The following TBXT variants were observed in gnomAD, a reference collection of about 807,000 sequenced individuals.
The protein encoded by TBXT is T-box transcription factor T.
TBXT carries 19 observed loss-of-function variants against 41.1 expected under a neutral mutation model. The observed-to-expected ratio is 0.46, with a 90% CI of 0.32 to 0.68. The LOEUF (loss-of-function observed/expected upper bound fraction) is 0.68, where lower values mean the gene tolerates loss of function less well. Among genes scored for constraint, TBXT ranks in the 30% least tolerant of loss-of-function variants. TBXT has a pLI of 0.03. For synonymous variants in TBXT, 213 were observed against 238.9 expected, an observed-to-expected ratio of 0.89 and a Z score of 1.00; for missense variants, 536 against 582.0, an observed-to-expected ratio of 0.92 and a Z score of 0.81.
intron 7 of TBXT, among the ~76,000 whole-genome samples, chr6:166,160,596 T>A (rs1778923482): frequency 6.6e-6 from 1 of 152,108 alleles, no homozygotes; most frequent in African/African-American, 2.4e-5. Context: ...CAGCTCCCAT[T>A]CCACACCTGG....
intron 2 of TBXT, 63 bp from the exon 3 acceptor site, chr6:166,165,903 C>T: frequency 6.2e-7 from 1 of 1,609,696 alleles, no homozygotes; most frequent in African/African-American, 1.3e-5. Context: ...GCAAAACATC[C>T]ATTTCTCCAG....
At chr6:166,164,330 C>T (rs1779046168) in intron 5 of TBXT, among the ~76,000 whole-genome samples, 1 of 152,234 alleles carries the variant, frequency 6.6e-6, no homozygotes, top group African/African-American at 2.4e-5. Flanking sequence ...AAACACCCAG[C>T]TAGGTCTCAA....
In TBXT at chr6:166,167,714, C is replaced by T; in HGVS notation, c.-123G>A. The T allele has an allele frequency of 2.3e-6, 3 of 1,328,570 alleles. No individual in the cohort carries two copies. The highest frequency in any genetic ancestry group is 3.1e-6 in the Non-Finnish European group (3 of 967,588). The allele number at this position is 1,328,570 out of a possible 1,614,324, so 82.3% of individuals were successfully genotyped here. A position where few individuals can be genotyped will look rare whatever the true frequency, so the allele number is the denominator to read the frequency against. ...GGGCCCCTTGGACCGAGACCTGCGA[C>T]GGCTCCCGGGTCCCGGGTCCCGGCA... On this transcript the variant is annotated 5_prime_UTR_variant, in exon 1 of 8. Coordinates refer to ENST00000366876, the MANE Select transcript of TBXT (RefSeq NM_001366285.2).
intron 5 of TBXT, among the ~76,000 whole-genome samples, chr6:166,164,057 G>A (rs796785579): frequency 4.3e-4 from 65 of 152,318 alleles, no homozygotes; most frequent in African/African-American, 1.5e-3. Flanking sequence ...ATGAGAGAGA[G>A]CGTTTCTCCC....
chr6:166,160,993 A>G, intron 6 of TBXT, 27 bp from the exon 7 acceptor site: 1 of 1,613,076 alleles, frequency 6.2e-7, no homozygotes. Context: ...ACAAAGTGCA[A>G]TTATAGATGG....
chr6:166,163,695 C>T (rs1432372309), intron 5 of TBXT, among the ~76,000 whole-genome samples: 1 of 152,238 alleles, frequency 6.6e-6, no homozygotes, highest in Non-Finnish European at 1.5e-5. Context: ...CTTCTACACT[C>T]TTCAAGCTTT....
intron 1 of TBXT, 91 bp from the exon 2 acceptor site, chr6:166,166,947 G>A (rs1262332585): frequency 6.3e-7 from 1 of 1,596,642 alleles, no homozygotes; most frequent in Non-Finnish European, 8.5e-7. Context: ...AGTTATTTCG[G>A]GGCACAGAGG....
intron 7 of TBXT, among the ~76,000 whole-genome samples, chr6:166,159,087 G>A (rs1423788455): frequency 3.3e-5 from 5 of 152,202 alleles, no homozygotes; most frequent in Non-Finnish European, 7.3e-5. Flanking sequence ...CAGGAGAATC[G>A]CTTGAACCCG....
chr6:166,158,214 T>C lies in TBXT; in HGVS notation c.*101A>G. On this transcript the variant is annotated 3_prime_UTR_variant, in exon 8 of 8. Coordinates refer to ENST00000366876, the MANE Select transcript of TBXT (RefSeq NM_001366285.2). The stretch of plus-strand genomic sequence containing the variant: ...AGTTACTGAGGCTGCATTTCCTTCT[T>C]AACCTGAGACTGCCACTGGGTACCT... 6.3e-7 allele frequency: 1 copy of C among 1,588,160 alleles called. No individual in the cohort carries two copies. The highest frequency in any genetic ancestry group is 8.6e-7 in the Non-Finnish European group (1 of 1,158,358).
At position 166,157,970 on chromosome 6, in the gene TBXT, C is replaced by T. The variant is rs1177158203; in HGVS notation, c.*345G>A. On this transcript the variant is annotated 3_prime_UTR_variant, in exon 8 of 8. Coordinates refer to ENST00000366876, the MANE Select transcript of TBXT (RefSeq NM_001366285.2). Reference sequence around the variant, plus strand: ...GTGGAGTTTACAAATTCTGGTGTGCCAAAGTTGCCAATACACTGTATGAGA... The same window carrying T: ...GTGGAGTTTACAAATTCTGGTGTGCTAAAGTTGCCAATACACTGTATGAGA... 4 of 395,728 alleles carry T rather than the reference C, an allele frequency of 1.0e-5. No individual in the cohort carries two copies. The highest frequency in any genetic ancestry group is 4.7e-6 in the Non-Finnish European group (1 of 211,670). 24.5% of individuals were successfully genotyped at this position (395,728 alleles called of 1,614,324 possible).
chr6:166,158,191 T>A lies in TBXT; in HGVS notation c.*124A>T, dbSNP rs528914986. ...CTCCTCCACTGCTTTGAAAAGGAAG[T>A]TACTGAGGCTGCATTTCCTTCTTAA... On this transcript the variant is annotated 3_prime_UTR_variant, in exon 8 of 8. Coordinates refer to ENST00000366876, the MANE Select transcript of TBXT (RefSeq NM_001366285.2). 1 of 1,476,992 alleles carries A rather than the reference T, an allele frequency of 6.8e-7. No homozygotes were observed. The highest frequency in any genetic ancestry group is 9.4e-7 in the Non-Finnish European group (1 of 1,062,526). 91.5% of individuals were successfully genotyped at this position (1,476,992 alleles called of 1,614,324 possible). A position where few individuals can be genotyped will look rare whatever the true frequency, so the allele number is the denominator to read the frequency against.
chr6:166,167,822 C>T lies in TBXT; in HGVS notation c.-231G>A. The T allele has an allele frequency of 1.7e-6, 1 of 600,308 alleles. No homozygotes were observed. The highest frequency in any genetic ancestry group is 3.0e-6 in the Non-Finnish European group (1 of 338,612). The allele number at this position is 600,308 out of a possible 1,614,324, so 37.2% of individuals were successfully genotyped here. A position where few individuals can be genotyped will look rare whatever the true frequency, so the allele number is the denominator to read the frequency against. ...GTGGGGAGAAGTTATTCCACTTGAACTCCCCAAGGCTCTACTAGTGTAGGT... is the reference window on the plus strand; with the variant it reads ...GTGGGGAGAAGTTATTCCACTTGAATTCCCCAAGGCTCTACTAGTGTAGGT... On this transcript the variant is annotated 5_prime_UTR_variant, in exon 1 of 8. Coordinates refer to ENST00000366876, the MANE Select transcript of TBXT (RefSeq NM_001366285.2).
In TBXT at chr6:166,164,943, C is replaced by T. The variant is rs575038809; in HGVS notation, c.607-82G>A. ...TTTGGCACCAAGAAATTGAGAAATG[C>T]CAGTACCACTTTTAAATATTCAAAT... On this transcript the variant is annotated intron_variant, in intron 3 of 7. Transcript: ENST00000366876. 4.0e-5 allele frequency: 44 copies of T among 1,097,354 alleles called. No homozygotes were observed. The South Asian group carries it at 5.7e-4, about 14-fold the overall frequency. The allele number at this position is 1,097,354 out of a possible 1,614,324, so 68.0% of individuals were successfully genotyped here.
At chr6:166,165,961 G>A in intron 2 of TBXT, 121 bp from the exon 3 acceptor site, 1 of 1,482,254 alleles carries the variant, frequency 6.7e-7, no homozygotes, top group South Asian at 1.1e-5. Context: ...TGCTGTTGAG[G>A]GAAGTGGGGT....
At position 166,158,420 on chromosome 6, in the gene TBXT, G is replaced by A. The variant is rs765996548; in HGVS notation, c.1206C>T (p.Tyr402=). ...SAPSSSGSPL[Y]EGAAAATDIV... is the part of the protein sequence containing the mutation. ...TGTCTGTGGCCGCGGCCGCCCCTTC[G>A]TACAGTGGGGATCCCGAGGAAGAGG... is the stretch of plus-strand genomic sequence containing the variant. The change falls in exon 8 of 8, where the codon TAC becomes TAT. Residue 402 remains tyrosine, a synonymous_variant. Coordinates refer to ENST00000366876, the MANE Select transcript of TBXT (RefSeq NM_001366285.2). The A allele has an allele frequency of 3.6e-5, 58 of 1,614,094 alleles. No homozygotes were observed. The highest frequency in any genetic ancestry group is 4.5e-5 in the Non-Finnish European group (53 of 1,180,046).
chr6:166,162,019 C>T (rs1166617166), intron 6 of TBXT, among the ~76,000 whole-genome samples: 1 of 152,246 alleles, frequency 6.6e-6, no homozygotes, highest in Non-Finnish European at 1.5e-5. Flanking sequence ...GGTGCTGAGG[C>T]TCTGGCCTGG....
intron 3 of TBXT, among the ~76,000 whole-genome samples, 176 bp from the exon 4 acceptor site, chr6:166,165,037 T>C (rs1227540259): frequency 1.3e-5 from 2 of 152,196 alleles, no homozygotes. Context: ...TTGTACAGAG[T>C]AGCATGCTTA....
In TBXT at chr6:166,158,336, A is replaced by AG; in HGVS notation, c.1289dup (p.Val431CysfsTer33). The AG allele has an allele frequency of 6.2e-7, 1 of 1,614,224 alleles. No individual in the cohort carries two copies. Among genetic ancestry groups the AG allele is most frequent in the Non-Finnish European group, 8.5e-7 (1 of 1,180,030 alleles). On this transcript the variant is annotated frameshift_variant, in exon 8 of 8. Coordinates refer to ENST00000366876, the MANE Select transcript of TBXT (RefSeq NM_001366285.2). LOFTEE classifies it high-confidence loss of function. ...TGCTTCACATGGAAGGTGGCGACAC[A>AG]GGTGTCCATGAGGCTATGAGGCGGC...
chr6:166,165,916 T>C (rs1339694489), intron 2 of TBXT, 76 bp from the exon 3 acceptor site: 91 of 1,603,198 alleles, frequency 5.7e-5, no homozygotes, highest in Non-Finnish European at 7.7e-5. Flanking sequence ...TTCTCCAGGA[T>C]GCAGAAAGTC....
Sources: allele counts gnomAD v4.1 joint callset (sites outside exome capture counted in the v4.1 genomes callset), GRCh38; gene constraint gnomAD v4.1.1; transcripts MANE v1.5; gene names NCBI Gene and HGNC (gene_info 2026-07-23, HGNC 2026-07-21).